The following LAMC3 variants were observed in gnomAD, a reference collection of about 807,000 sequenced individuals.
The protein encoded by LAMC3 is laminin subunit gamma 3, also known as laminin subunit gamma-3.
LAMC3 carries 128 observed loss-of-function variants against 173.8 expected under a neutral mutation model. The ratio of observed to expected loss-of-function variants is 0.74; its 90% CI spans 0.64 to 0.85. The LOEUF (loss-of-function observed/expected upper bound fraction) is 0.85. Among genes scored for constraint, LAMC3 ranks in the 40% least tolerant of loss-of-function variants. LAMC3 has a pLI of 0.00. For missense variants in LAMC3, 2,022 were observed against 2,156.0 expected, an observed-to-expected ratio of 0.94 and a Z score of 1.23; for synonymous variants, 897 against 909.1, an observed-to-expected ratio of 0.99 and a Z score of 0.24.
chr9:131,039,364 C>A, intron 6 of LAMC3, 116 bp downstream of exon 6: 2 of 876,044 alleles, frequency 2.3e-6, no homozygotes, highest in Non-Finnish European at 3.7e-6. Flanking sequence ...AGCTACCTCG[C>A]CCTAATCCTG....
At position 131,061,014 on chromosome 9, in the gene LAMC3, G is replaced by C. The variant is rs1348320404; in HGVS notation, c.2159-21G>C. 7 of 1,613,036 alleles carry C rather than the reference G, an allele frequency of 4.3e-6. No individual in the cohort carries two copies. In the Admixed American group the frequency reaches 5.0e-5, roughly 12 times the overall value. On this transcript the variant is annotated intron_variant, in intron 12 of 27. Coordinates refer to ENST00000361069, the MANE Select transcript of LAMC3 (RefSeq NM_006059.4). ...TCTGGGCATTCTGGGTTCAGACAGT[G>C]GTGCTTGTCTTGCCCCTCAGGGATC... is the stretch of plus-strand genomic sequence containing the variant.
At chr9:131,082,035 C>T (rs1201902006) in intron 23 of LAMC3, 24 bp from the exon 24 acceptor site, 1 of 1,595,932 alleles carries the variant, frequency 6.3e-7, no homozygotes. Context: ...GCCAGCTGCC[C>T]AGCCTCTCCT....
intron 1 of LAMC3, among the ~76,000 whole-genome samples, chr9:131,013,171 C>G (rs1232514979): frequency 2.0e-5 from 3 of 152,220 alleles, no homozygotes; most frequent in African/African-American, 7.2e-5. Flanking sequence ...AGGGTGAGAT[C>G]AGTTGCTTGG....
chr9:131,077,365 G>A, intron 22 of LAMC3, 31 bp downstream of exon 22: 1 of 1,611,676 alleles, frequency 6.2e-7, no homozygotes. Flanking sequence ...GCTCCGTGTG[G>A]GGTCGGGAGG....
chr9:131,063,495 T>C (rs572008700), intron 13 of LAMC3, among the ~76,000 whole-genome samples: 2 of 152,316 alleles, frequency 1.3e-5, no homozygotes, highest in Non-Finnish European at 2.9e-5. Context: ...ACCTGGGACC[T>C]TCTGCCAGTG....
chr9:131,014,047 C>T (rs1331067887), intron 1 of LAMC3, among the ~76,000 whole-genome samples: 3 of 152,234 alleles, frequency 2.0e-5, no homozygotes, highest in Non-Finnish European at 2.9e-5. Flanking sequence ...TAGCCTCCAT[C>T]CACCCACAGA....
chr9:131,010,152 C>CAAAAA (rs35239233), intron 1 of LAMC3, among the ~76,000 whole-genome samples: 1 of 39,578 alleles, frequency 2.5e-5, no homozygotes, highest in African/African-American at 6.3e-5. Context: ...AACTCCGTCT[C>CAAAAA]AAAAAAAAAA....
At chr9:131,062,798 G>A (rs902891961) in intron 13 of LAMC3, among the ~76,000 whole-genome samples, 2 of 151,862 alleles carry the variant, frequency 1.3e-5, no homozygotes, top group Non-Finnish European at 2.9e-5. Context: ...GAACCCAGGA[G>A]GCGGAGTTTG....
intron 24 of LAMC3, among the ~76,000 whole-genome samples, chr9:131,083,596 C>T (rs958869276): frequency 2.0e-5 from 3 of 152,104 alleles, no homozygotes; most frequent in African/African-American, 4.8e-5. Context: ...TTACAGAGAA[C>T]GCTTGAGAAT....
chr9:131,069,140 C>A, intron 16 of LAMC3, 90 bp downstream of exon 16: 1 of 1,420,910 alleles, frequency 7.0e-7, no homozygotes, highest in Non-Finnish European at 9.9e-7. Context: ...ATGGGCGCAG[C>A]AGGAAAGGAT....
chr9:131,079,178 C>T lies in LAMC3; in HGVS notation c.3807C>T (p.Gly1269=). ...LPQKSRAEDL[G]LKAKALEKTV... ...AGAAGTCCCGGGCTGAAGACCTGGG[C>T]CTGAAGGCGAAGGCCCTGGAGAAGA... is the stretch of plus-strand genomic sequence containing the variant. The change falls in exon 23 of 28, where the codon GGC becomes GGT. Residue 1269 remains glycine (G), a synonymous_variant. Coordinates refer to ENST00000361069, the MANE Select transcript of LAMC3 (RefSeq NM_006059.4). 1 of 1,613,878 alleles carries T rather than the reference C, an allele frequency of 6.2e-7. No homozygotes were observed. Among genetic ancestry groups the T allele is most frequent in the Non-Finnish European group, 8.5e-7 (1 of 1,179,898 alleles).
chr9:131,010,012 G>A (rs1162343698), intron 1 of LAMC3, among the ~76,000 whole-genome samples: 2 of 151,946 alleles, frequency 1.3e-5, no homozygotes, highest in Non-Finnish European at 2.9e-5. Context: ...AATTTGGCCG[G>A]GCGTGGTGGT....
At position 131,049,005 on chromosome 9, in the gene LAMC3, G is replaced by A. The variant is rs2133274269; in HGVS notation, c.1520-15G>A. ...GCCTCACACTGATCGGGGGGTGTCT[G>A]TGTTTGCTGTCTAGGAGCCGAAGGC... On this transcript the variant is annotated splice_polypyrimidine_tract_variant and intron_variant, in intron 8 of 27. Coordinates refer to ENST00000361069, the MANE Select transcript of LAMC3 (RefSeq NM_006059.4). 1.3e-6 allele frequency: 2 copies of A among 1,515,126 alleles called. No homozygotes were observed. The highest frequency in any genetic ancestry group is 1.8e-6 in the Non-Finnish European group (2 of 1,114,876). The allele number at this position is 1,515,126 out of a possible 1,614,324, so 93.9% of individuals were successfully genotyped here. A position where few individuals can be genotyped will look rare whatever the true frequency, so the allele number is the denominator to read the frequency against.
chr9:131,022,003 G>A (rs1251609571), intron 1 of LAMC3, among the ~76,000 whole-genome samples: 2 of 152,114 alleles, frequency 1.3e-5, no homozygotes, highest in Admixed American at 6.5e-5. Flanking sequence ...TTTCATGGAC[G>A]CTTCATGCAT....
intron 9 of LAMC3, among the ~76,000 whole-genome samples, chr9:131,050,928 G>C (rs1834271622): frequency 6.6e-6 from 1 of 152,104 alleles, no homozygotes; most frequent in African/African-American, 2.4e-5. Flanking sequence ...GATGGGAGGG[G>C]AGCATTGCGC....
intron 1 of LAMC3, among the ~76,000 whole-genome samples, chr9:131,016,800 A>T (rs954637706): frequency 1.3e-5 from 2 of 152,224 alleles, no homozygotes; most frequent in African/African-American, 4.8e-5. Context: ...AAAAAGAAAG[A>T]CATCAAACTG....
intron 19 of LAMC3, 121 bp downstream of exon 19, chr9:131,072,956 C>A: frequency 1.1e-6 from 1 of 920,734 alleles, no homozygotes; most frequent in Non-Finnish European, 1.7e-6. Flanking sequence ...TTAATTTCAT[C>A]TGCAAAGTGG....
rs945482300 is a variant in LAMC3 at position 131,055,510 on chromosome 9, C to T, written c.1940-1419C>T. Among the ~76,000 whole-genome samples the T allele has an allele frequency of 2.7e-5, 4 of 146,314 alleles. No individual in the cohort carries two copies. In the East Asian group the frequency reaches 8.0e-4, roughly 29 times the overall value. On this transcript the variant is annotated intron_variant, in intron 11 of 27. Transcript: ENST00000361069. Reference sequence around the variant, plus strand: ...CATGATCTCTGCTCACTGCAAGCTCCGCCTCCCGGGTTCATGTCATCCTCC... The same window carrying T: ...CATGATCTCTGCTCACTGCAAGCTCTGCCTCCCGGGTTCATGTCATCCTCC...
In LAMC3 at chr9:131,093,666, A is replaced by G. The variant is rs902387243; in HGVS notation, c.*1879A>G. 6 of 152,204 alleles carry G rather than the reference A, an allele frequency of 3.9e-5. No homozygotes were observed. The highest frequency in any genetic ancestry group is 1.2e-4 in the African/African-American group (5 of 41,434). 9.4% of individuals were successfully genotyped at this position (152,204 alleles called of 1,614,324 possible). A position where few individuals can be genotyped will look rare whatever the true frequency, so the allele number is the denominator to read the frequency against. On this transcript the variant is annotated 3_prime_UTR_variant, in exon 28 of 28. Coordinates refer to ENST00000361069, the MANE Select transcript of LAMC3 (RefSeq NM_006059.4). Reference sequence around the variant, plus strand: ...GGAGGGTCGCTTGGAACCCTGGAGTAAAAACGGCTGCCACGTGTTGGAGAT... The same window carrying G: ...GGAGGGTCGCTTGGAACCCTGGAGTGAAAACGGCTGCCACGTGTTGGAGAT...
Sources: gnomAD v4.1 joint callset for allele counts (sites outside exome capture counted in the v4.1 genomes callset) on GRCh38, gnomAD v4.1.1 for gene constraint, MANE v1.5 for transcripts, NCBI Gene and HGNC (gene_info 2026-07-23, HGNC 2026-07-21) for gene names.